DNAH10: variants seen among roughly 807,000 people sequenced by gnomAD.
DNAH10 encodes axonemal beta dynein heavy chain 10.
A neutral mutation model predicts 506.6 loss-of-function variants in DNAH10; 348 were observed. That is an observed-to-expected ratio of 0.69 (90% CI 0.63 to 0.75). The LOEUF (loss-of-function observed/expected upper bound fraction) is 0.75. Among genes scored for constraint, DNAH10 ranks in the 30% least tolerant of loss-of-function variants. The pLI is 0.00. For synonymous variants in DNAH10, 2,059 were observed against 2,198.6 expected (o/e 0.94, Z 1.78); for missense variants, 5,179 against 5,787.1 (o/e 0.89, Z 3.41).
rs1179943155 is a variant in DNAH10 at position 123,787,031 on chromosome 12, C to T, written c.1422-773C>T. ...GTGGGCGCCTGTAATCCCAGCCACTCAGGAGGCTGAGGCAGGAGAATCGCT... is the reference window on the plus strand; with the variant it reads ...GTGGGCGCCTGTAATCCCAGCCACTTAGGAGGCTGAGGCAGGAGAATCGCT... On this transcript the variant is annotated intron_variant, in intron 9 of 78. Transcript: ENST00000673944. The surrounding 1 kb of genome is among the most constrained non-coding windows in gnomAD (Gnocchi z 4.6). Among the ~76,000 whole-genome samples the T allele has an allele frequency of 2.0e-5, 3 of 152,020 alleles. No individual in the cohort carries two copies. The highest frequency in any genetic ancestry group is 4.8e-5 in the African/African-American group (2 of 41,366).
chr12:123,828,956 A>G (rs1960255985), intron 25 of DNAH10, among the ~76,000 whole-genome samples: 1 of 152,174 alleles, frequency 6.6e-6, no homozygotes, highest in African/African-American at 2.4e-5. Flanking sequence ...GGGCTGAGTT[A>G]TGTTGAGTGT....
intron 32 of DNAH10, among the ~76,000 whole-genome samples, chr12:123,847,185 T>A (rs1158608400): frequency 6.6e-6 from 1 of 151,448 alleles, no homozygotes; most frequent in Admixed American, 6.6e-5. Flanking sequence ...CATCCATCCA[T>A]CCATCCATGT....
intron 78 of DNAH10, 126 bp from the exon 79 acceptor site, chr12:123,935,209 T>A: frequency 8.6e-7 from 1 of 1,165,628 alleles, no homozygotes; most frequent in Admixed American, 2.2e-5. Flanking sequence ...AGCCCCAGCC[T>A]TGTGCGTGTT....
intron 24 of DNAH10, among the ~76,000 whole-genome samples, chr12:123,821,915 CA>C (rs903372872): frequency 8.6e-5 from 13 of 151,224 alleles, no homozygotes; most frequent in African/African-American, 2.7e-4. Context: ...CTAAAAAATA[CA>C]AAAAAAAGTT....
intron 2 of DNAH10, 111 bp downstream of exon 2, chr12:123,767,800 A>T: frequency 1.1e-6 from 1 of 891,144 alleles, no homozygotes; most frequent in Non-Finnish European, 1.8e-6. Context: ...CTGGGTATGA[A>T]CCACAAAGAG....
At chr12:123,877,481 T>A (rs895144305) in intron 47 of DNAH10, among the ~76,000 whole-genome samples, 1 of 152,042 alleles carries the variant, frequency 6.6e-6, no homozygotes, top group Non-Finnish European at 1.5e-5. Flanking sequence ...CCAGCTAATG[T>A]TTATATTTTA....
intron 17 of DNAH10, 107 bp downstream of exon 17, chr12:123,803,932 G>A: frequency 9.1e-7 from 1 of 1,098,358 alleles, no homozygotes; most frequent in African/African-American, 1.7e-5. Context: ...GTATTTGTAT[G>A]TTCCATGAAT....
intron 24 of DNAH10, among the ~76,000 whole-genome samples, chr12:123,822,219 TAAA>T (rs888135469): frequency 1.3e-5 from 2 of 152,058 alleles, no homozygotes; most frequent in Admixed American, 1.3e-4. Flanking sequence ...AAAATAAAAA[TAAA>T]AAAGTTGCAA....
chr12:123,928,588 G>C lies in DNAH10; in HGVS notation c.12306+1G>C, dbSNP rs760906054. The C allele has an allele frequency of 7.5e-6, 12 of 1,594,474 alleles. No individual in the cohort carries two copies. In the Admixed American group the frequency reaches 2.1e-4, roughly 28 times the overall value. On this transcript the variant is annotated splice_donor_variant, in intron 70 of 78. Coordinates refer to ENST00000673944, the MANE Select transcript of DNAH10 (RefSeq NM_001372106.1). LOFTEE classifies it high-confidence loss of function. This position sits in a 1 kb window ranked among gnomAD's most constrained non-coding sequence, Gnocchi z 4.9. ...TGGGATTCTGCAGAAGTCCCTAAAGGTCTGGCTTCAGGATGGACATCAACA... is the reference window on the plus strand; with the variant it reads ...TGGGATTCTGCAGAAGTCCCTAAAGCTCTGGCTTCAGGATGGACATCAACA...
At position 123,853,525 on chromosome 12, in the gene DNAH10, C is replaced by T. The variant is rs182096802; in HGVS notation, c.6438+173C>T. ...GGCCTCTTACCTGTTGTATCGTTTG[C>T]TTGTAATTACACTTAGTACCTTAAG... On this transcript the variant is annotated intron_variant, in intron 36 of 78. Coordinates refer to ENST00000673944, the MANE Select transcript of DNAH10 (RefSeq NM_001372106.1). This position sits in a 1 kb window ranked among gnomAD's most constrained non-coding sequence, Gnocchi z 4.7. Among the ~76,000 whole-genome samples, 20 of 152,296 alleles carry T rather than the reference C, an allele frequency of 1.3e-4. No homozygotes were observed. Among genetic ancestry groups the T allele is most frequent in the African/African-American group, 4.8e-4 (20 of 41,568 alleles).
At position 123,765,867 on chromosome 12, in the gene DNAH10, ATCTG is replaced by A. The variant is rs749960362; in HGVS notation, c.215-1731_215-1728del. 1.1e-4 allele frequency among the ~76,000 whole-genome samples: 12 copies of A among 112,590 alleles called. No individual in the cohort carries two copies. The South Asian group carries it at 1.5e-3, about 14-fold the overall frequency. 73.9% of individuals were successfully genotyped at this position (112,590 alleles called of 152,430 possible). ...TATCTACCTACCTACCTATACATCTATCTGTCTGTCTCCTGTCTACCTACCTAAT... is the reference window on the plus strand; with the variant it reads ...TATCTACCTACCTACCTATACATCTATCTGTCTCCTGTCTACCTACCTAAT... On this transcript the variant is annotated intron_variant, in intron 1 of 78. Coordinates refer to ENST00000673944, the MANE Select transcript of DNAH10 (RefSeq NM_001372106.1).
At chr12:123,881,507 T>C in intron 50 of DNAH10, 118 bp from the exon 51 acceptor site, 1 of 1,066,272 alleles carries the variant, frequency 9.4e-7, no homozygotes, top group Non-Finnish European at 1.3e-6. Context: ...TGTTTGATTT[T>C]TTCTCGTAAA....
chr12:123,815,288 A>C (rs1594097808), intron 21 of DNAH10, among the ~76,000 whole-genome samples: 1 of 151,958 alleles, frequency 6.6e-6, no homozygotes, highest in South Asian at 2.1e-4. Flanking sequence ...GTATTTTTAG[A>C]TGCTCTTGTA....
intron 77 of DNAH10, chr12:123,934,321 G>A (rs1955371280): frequency 1.5e-6 from 1 of 682,448 alleles, no homozygotes; most frequent in East Asian, 2.7e-5. Context: ...GGCCCAGGGT[G>A]GTCTAAGTCC....
chr12:123,795,144 C>G (rs1331277955), intron 12 of DNAH10, among the ~76,000 whole-genome samples: 1 of 54,286 alleles, frequency 1.8e-5, no homozygotes, highest in Admixed American at 2.6e-4. Flanking sequence ...GAAACTTCGT[C>G]TCAAAAAAAA....
chr12:123,915,536 C>T (rs1045495747), intron 62 of DNAH10, among the ~76,000 whole-genome samples: 2 of 142,406 alleles, frequency 1.4e-5, no homozygotes, highest in Admixed American at 6.9e-5. Context: ...TCCGTTTCTC[C>T]CTCCCCGAGC....
Position 123,762,354 on chromosome 12 carries a change from G to GAT in DNAH10, c.18_19insAT (p.Leu7IlefsTer100). On this transcript the variant is annotated frameshift_variant, in exon 1 of 79. Transcript: ENST00000673944. LOFTEE classifies it high-confidence loss of function. The surrounding 1 kb of genome is among the most constrained non-coding windows in gnomAD (Gnocchi z 5.0). ...GCGGCGCCATGGACGACCTGCGGGT[G>GAT]CTGTGGATGCGCGACCGCGTGTATG... is the stretch of plus-strand genomic sequence containing the variant. 1 of 1,355,272 alleles carries GAT rather than the reference G, an allele frequency of 7.4e-7. No individual in the cohort carries two copies. Among genetic ancestry groups the GAT allele is most frequent in the Non-Finnish European group, 9.5e-7 (1 of 1,051,386 alleles). The allele number at this position is 1,355,272 out of a possible 1,614,324, so 84.0% of individuals were successfully genotyped here. A position where few individuals can be genotyped will look rare whatever the true frequency, so the allele number is the denominator to read the frequency against.
rs117713169 is a variant in DNAH10, at chr12:123,908,877, G to A, written c.9816-384G>A. On this transcript the variant is annotated intron_variant, in intron 57 of 78. Coordinates refer to ENST00000673944, the MANE Select transcript of DNAH10 (RefSeq NM_001372106.1). ...TGGTGGTGATGGTGATGGTGATGATGATGATGATAATGACAATAATGACGG... is the reference window on the plus strand; with the variant it reads ...TGGTGGTGATGGTGATGGTGATGATAATGATGATAATGACAATAATGACGG... Among the ~76,000 whole-genome samples the A allele has an allele frequency of 4.9e-3, 744 of 152,272 alleles. 14 individuals carry two copies. Among genetic ancestry groups the A allele is most frequent in the Middle Eastern group, 6.8e-3 (2 of 292 alleles).
intron 51 of DNAH10, among the ~76,000 whole-genome samples, chr12:123,885,529 G>A (rs2137104436): frequency 6.6e-6 from 1 of 152,212 alleles, no homozygotes. Context: ...AGGTTAAAGG[G>A]TATATGCTCT....
Sources: gnomAD v4.1 joint callset for allele counts (sites outside exome capture counted in the v4.1 genomes callset) on GRCh38, gnomAD v4.1.1 for gene constraint, Gnocchi (gnomAD v3.1) non-coding constraint, MANE v1.5 for transcripts, NCBI Gene and HGNC (gene_info 2026-07-23, HGNC 2026-07-21) for gene names.